The following FOCAD variants were observed in gnomAD, a reference collection of about 807,000 sequenced individuals.
FOCAD encodes focadhesin, also known as KIAA1797.
A neutral mutation model predicts 225.6 loss-of-function variants in FOCAD; 198 were observed. The observed-to-expected ratio is 0.88, with a 90% CI of 0.78 to 0.99. The LOEUF (loss-of-function observed/expected upper bound fraction) is 0.99. Among genes scored for constraint, FOCAD ranks in the 50% least tolerant of loss-of-function variants. The pLI, the probability that FOCAD is intolerant of heterozygous loss-of-function variation, is 0.00. For missense variants in FOCAD, 2,713 were observed against 2,123.6 expected (o/e 1.28, Z -5.46); for synonymous variants, 897 against 755.0 (o/e 1.19, Z -3.08).
At chr9:20,665,141 T>TC (rs1349493190) in intron 2 of FOCAD, among the ~76,000 whole-genome samples, 1 of 152,176 alleles carries the variant, frequency 6.6e-6, no homozygotes, top group Non-Finnish European at 1.5e-5. Context: ...GAGCTAGAGT[T>TC]ACTGGCTTAG....
At position 20,982,357 on chromosome 9, in the gene FOCAD, A is replaced by G; in HGVS notation, c.4639A>G (p.Arg1547Gly). 6.2e-7 allele frequency: 1 copy of G among 1,607,538 alleles called. No homozygotes were observed. Among genetic ancestry groups the G allele is most frequent in the Non-Finnish European group, 8.5e-7 (1 of 1,175,816 alleles). ...CATGTTTGGGATTTTTCTTTATCAG[A>G]GAAAGGATCTAGAGCTGTATATCAG... ...IFDLLPNKIR[R>G]KDLELYISIA... Residue 1547 changes from arginine (R) to glycine (G), a missense_variant and splice_region_variant, in exon 39 of 44, where the codon AGA becomes GGA. Coordinates refer to ENST00000338382, the MANE Select transcript of FOCAD (RefSeq NM_001375567.1).
chr9:20,777,496 T>C (rs2131066710), intron 8 of FOCAD, among the ~76,000 whole-genome samples: 1 of 152,112 alleles, frequency 6.6e-6, no homozygotes, highest in East Asian at 1.9e-4. Context: ...TATTAAAACC[T>C]AATATACACA....
At position 20,820,402 on chromosome 9, in the gene FOCAD, C is replaced by G. The variant is rs747234476; in HGVS notation, c.1639C>G (p.Leu547Val). Reference protein sequence around the residue: ...PRLRAVTLRLLTSLWEKQDRV... With the variant: ...PRLRAVTLRLVTSLWEKQDRV... ...ACTAAGAGCTGTCACTTTGCGCTTG[C>G]TGACATCTTTGTGGGAAAAGCAGGT... Residue 547 changes from leucine (L) to valine (V), a missense_variant, in exon 13 of 44, where the codon CTG becomes GTG. Coordinates refer to ENST00000338382, the MANE Select transcript of FOCAD (RefSeq NM_001375567.1). 2.5e-6 allele frequency: 4 copies of G among 1,612,788 alleles called. 1 individual carries two copies. The highest frequency in any genetic ancestry group is 2.2e-5 in the South Asian group (2 of 91,026).
intron 15 of FOCAD, among the ~76,000 whole-genome samples, chr9:20,824,996 CATTACT>C (rs1418286733): frequency 6.6e-6 from 1 of 151,706 alleles, no homozygotes; most frequent in African/African-American, 2.4e-5. Flanking sequence ...AAAATGACTG[CATTACT>C]ATTAATTTTG....
At chr9:20,962,399 A>T (rs940882289) in intron 35 of FOCAD, among the ~76,000 whole-genome samples, 5 of 136,138 alleles carry the variant, frequency 3.7e-5, no homozygotes, top group Non-Finnish European at 8.0e-5. Context: ...ACACATATAT[A>T]ATATATATAT....
At chr9:20,782,073 T>C (rs1819434839) in intron 10 of FOCAD, 144 bp downstream of exon 10, 2 of 686,408 alleles carry the variant, frequency 2.9e-6, no homozygotes, top group Admixed American at 4.8e-5. Context: ...GATCTCAACA[T>C]ATTCTTCTGG....
At chr9:20,859,729 A>T (rs980533688) in intron 15 of FOCAD, among the ~76,000 whole-genome samples, 5 of 147,780 alleles carry the variant, frequency 3.4e-5, no homozygotes, top group Admixed American at 6.8e-5. Context: ...TATATATATA[A>T]AAAGAAGTGA....
chr9:20,691,285 A>G (rs1462169113), intron 1 of FOCAD, among the ~76,000 whole-genome samples: 1 of 152,018 alleles, frequency 6.6e-6, no homozygotes, highest in African/African-American at 2.4e-5. Flanking sequence ...ATTAGCAAAA[A>G]TACCACAATT....
rs150299733 is a variant in FOCAD at position 20,807,993 on chromosome 9, G to A, written c.1456-11803G>A. Among the ~76,000 whole-genome samples, 258 of 152,102 alleles carry A rather than the reference G, an allele frequency of 1.7e-3. 3 individuals are homozygous for A. In the East Asian group the frequency reaches 0.042, roughly 25 times the overall value. On this transcript the variant is annotated intron_variant, in intron 11 of 43. Coordinates refer to ENST00000338382, the MANE Select transcript of FOCAD (RefSeq NM_001375567.1). ...TTGAACCCAGGAGGCCAAGGTTGTA[G>A]TGAACTGAGATGGCGCCACTGTATT...
chr9:20,748,356 G>A (rs574938130), intron 5 of FOCAD, among the ~76,000 whole-genome samples: 1 of 152,136 alleles, frequency 6.6e-6, no homozygotes, highest in South Asian at 2.1e-4. Context: ...AGGAGACTGA[G>A]TTGTAGCAAC....
chr9:20,853,122 A>G (rs1827832965), intron 15 of FOCAD, among the ~76,000 whole-genome samples: 1 of 151,750 alleles, frequency 6.6e-6, no homozygotes, highest in Admixed American at 6.6e-5. Context: ...AAAATAGATA[A>G]CTCATACAGA....
chr9:20,675,201 C>T (rs1587194914), intron 2 of FOCAD, among the ~76,000 whole-genome samples: 1 of 152,122 alleles, frequency 6.6e-6, no homozygotes, highest in Non-Finnish European at 1.5e-5. Flanking sequence ...AAGAAGAGAG[C>T]CATGGTTGGC....
At chr9:20,740,138 G>A in intron 4 of FOCAD, 98 bp from the exon 5 acceptor site, 1 of 739,200 alleles carries the variant, frequency 1.4e-6, no homozygotes, top group Non-Finnish European at 2.3e-6. Flanking sequence ...TAATGTGGGT[G>A]GCAAGTATTA....
intron 11 of FOCAD, among the ~76,000 whole-genome samples, chr9:20,800,746 C>T (rs1180754614): frequency 6.6e-6 from 1 of 152,030 alleles, no homozygotes; most frequent in Non-Finnish European, 1.5e-5. Flanking sequence ...GTTAGCCATT[C>T]GTCTAATTTT....
At chr9:20,855,201 G>A (rs2151000) in intron 15 of FOCAD, among the ~76,000 whole-genome samples, 124,281 of 151,442 alleles carry the variant, frequency 0.82, 51,164 homozygotes, top group Admixed American at 0.88. Flanking sequence ...ACTTTCCCAT[G>A]TATAAGAAAT....
At chr9:20,807,714 C>T (rs1263982415) in intron 11 of FOCAD, among the ~76,000 whole-genome samples, 3 of 152,064 alleles carry the variant, frequency 2.0e-5, no homozygotes, top group Non-Finnish European at 4.4e-5. Context: ...AGTACAAATT[C>T]CCAATGCTCA....
chr9:20,721,805 C>T (rs962749868), intron 4 of FOCAD, among the ~76,000 whole-genome samples: 30 of 151,872 alleles, frequency 2.0e-4, no homozygotes, highest in Non-Finnish European at 3.5e-4. Flanking sequence ...TTTCCTGTTT[C>T]CTTAGATCAT....
At chr9:20,962,221 T>G (rs1203714912) in intron 35 of FOCAD, among the ~76,000 whole-genome samples, 1 of 152,152 alleles carries the variant, frequency 6.6e-6, no homozygotes, top group East Asian at 1.9e-4. Flanking sequence ...GTAATATATG[T>G]GTCATCATTT....
At chr9:20,884,837 G>A (rs1178492675) in intron 20 of FOCAD, among the ~76,000 whole-genome samples, 4 of 151,776 alleles carry the variant, frequency 2.6e-5, no homozygotes, top group African/African-American at 9.7e-5. Flanking sequence ...TGAGGCAGGC[G>A]GATCATGAGG....
Sources: gnomAD v4.1 joint callset for allele counts (sites outside exome capture counted in the v4.1 genomes callset) on GRCh38, gnomAD v4.1.1 for gene constraint, MANE v1.5 for transcripts, NCBI Gene and HGNC (gene_info 2026-07-23, HGNC 2026-07-21) for gene names.